JAZF1: variants seen among roughly 807,000 people sequenced by gnomAD.
The protein encoded by JAZF1 is JAZF zinc finger 1.
Under a neutral mutation model 26.4 loss-of-function variants are expected in JAZF1, and 8 were observed. The ratio of observed to expected loss-of-function variants is 0.30; its 90% CI spans 0.18 to 0.55. JAZF1 has a LOEUF of 0.55. Among genes scored for constraint, JAZF1 ranks in the 20% least tolerant of loss-of-function variants. JAZF1 has a pLI of 0.94. For synonymous variants in JAZF1, 126 were observed against 122.3 expected, an observed-to-expected ratio of 1.03 and a Z score of -0.20; for missense variants, 199 against 322.0, an observed-to-expected ratio of 0.62 and a Z score of 2.92.
intron 2 of JAZF1, among the ~76,000 whole-genome samples, chr7:27,932,458 C>T (rs1197250947): frequency 6.6e-6 from 1 of 152,114 alleles, no homozygotes; most frequent in African/African-American, 2.4e-5. Flanking sequence ...CATCCATAAT[C>T]TAGGTGCAGG....
intron 3 of JAZF1, among the ~76,000 whole-genome samples, chr7:27,852,633 C>T (rs1428605906): frequency 6.6e-6 from 1 of 152,118 alleles, no homozygotes; most frequent in Non-Finnish European, 1.5e-5. Flanking sequence ...CCTACTTTTT[C>T]TAGAACTGTG....
At chr7:28,180,325 C>A (rs929048410) in intron 1 of JAZF1, 138 bp downstream of exon 1, 2 of 397,354 alleles carry the variant, frequency 5.0e-6, no homozygotes, top group Admixed American at 4.8e-5. Flanking sequence ...TCCCGCCACC[C>A]CCACCTCGGG....
intron 3 of JAZF1, among the ~76,000 whole-genome samples, chr7:27,893,305 A>G (rs2128341689): frequency 6.6e-6 from 1 of 152,382 alleles, no homozygotes; most frequent in Non-Finnish European, 1.5e-5. Context: ...TGGATGACAG[A>G]GAAATACGTA....
rs201301975 is a variant in JAZF1 at position 28,105,154 on chromosome 7, T to TA, written c.115+75308dup. On this transcript the variant is annotated intron_variant, in intron 1 of 4. Transcript: ENST00000283928. ...ACACCAAACAGAAATGATACAGAGT[T>TA]AAAAAAAACAAACAAGAACTCTCCT... Among the ~76,000 whole-genome samples, 49 of 151,804 alleles carry TA rather than the reference T, an allele frequency of 3.2e-4. No homozygotes were observed. In the East Asian group the frequency reaches 5.2e-3, roughly 16 times the overall value.
At chr7:27,984,989 C>A (rs77088177) in intron 2 of JAZF1, among the ~76,000 whole-genome samples, 35,326 of 152,036 alleles carry the variant, frequency 0.23, 4,511 homozygotes, top group East Asian at 0.48. Flanking sequence ...TAAATGCCCA[C>A]AAGAGAAAGC....
chr7:28,061,785 C>A (rs1291337965), intron 1 of JAZF1, among the ~76,000 whole-genome samples: 1 of 152,184 alleles, frequency 6.6e-6, no homozygotes, highest in African/African-American at 2.4e-5. Context: ...TGCATACAAT[C>A]TGAAAGAGCT....
rs574025445 is a variant in JAZF1 at position 28,118,459 on chromosome 7, G to A, written c.115+62004C>T. On this transcript the variant is annotated intron_variant, in intron 1 of 4. Coordinates refer to ENST00000283928, the MANE Select transcript of JAZF1 (RefSeq NM_175061.4). ...GAACCCGAGAGGCAGAGGTTGCAGTGGGCCAAGATTGCACCAGGGTGACAA... is the reference window on the plus strand; with the variant it reads ...GAACCCGAGAGGCAGAGGTTGCAGTAGGCCAAGATTGCACCAGGGTGACAA... Among the ~76,000 whole-genome samples, 19 of 152,090 alleles carry A rather than the reference G, an allele frequency of 1.2e-4. No homozygotes were observed. The East Asian group carries it at 3.7e-3, about 29-fold the overall frequency.
At position 27,961,602 on chromosome 7, in the gene JAZF1, G is replaced by A. The variant is rs552931656; in HGVS notation, c.188+30307C>T. On this transcript the variant is annotated intron_variant, in intron 2 of 4. Coordinates refer to ENST00000283928, the MANE Select transcript of JAZF1 (RefSeq NM_175061.4). ...ATATTCTCCCCAAAGAAAGCTTACT[G>A]CAAGAGCCAGAGGTGGCAGGAAAGA... 7.3e-4 allele frequency among the ~76,000 whole-genome samples: 111 copies of A among 152,308 alleles called. 1 individual carries two copies. The highest frequency in any genetic ancestry group is 2.7e-3 in the African/African-American group (111 of 41,544).
chr7:28,108,133 CTA>C (rs1784583703), intron 1 of JAZF1, among the ~76,000 whole-genome samples: 1 of 152,208 alleles, frequency 6.6e-6, no homozygotes, highest in South Asian at 2.1e-4. Context: ...GTTCTCTGCA[CTA>C]TCTTTATTGT....
At chr7:28,065,846 G>A (rs534678675) in intron 1 of JAZF1, among the ~76,000 whole-genome samples, 4 of 152,024 alleles carry the variant, frequency 2.6e-5, no homozygotes, top group Admixed American at 6.5e-5. Context: ...ATTACAGCCC[G>A]GGGCTATTTT....
intron 2 of JAZF1, among the ~76,000 whole-genome samples, chr7:27,937,663 GTTTTAT>G (rs1181210756): frequency 6.6e-6 from 1 of 152,132 alleles, no homozygotes; most frequent in African/African-American, 2.4e-5. Flanking sequence ...TTCCCTCTTG[GTTTTAT>G]GGATGGATGT....
intron 1 of JAZF1, among the ~76,000 whole-genome samples, chr7:28,025,621 A>C (rs1783082036): frequency 4.6e-5 from 7 of 152,260 alleles, no homozygotes; most frequent in Admixed American, 4.6e-4. Flanking sequence ...TGTTTGCTAC[A>C]GAAGATTGGT....
chr7:27,954,353 C>T (rs980147815), intron 2 of JAZF1, among the ~76,000 whole-genome samples: 10 of 152,176 alleles, frequency 6.6e-5, no homozygotes, highest in African/African-American at 9.7e-5. Context: ...CAGTGCCTGC[C>T]GTCATCTGCA....
rs1397954015 is a variant in JAZF1 at position 27,843,118 on chromosome 7, T to C, written c.386-2251A>G. ...GAACACTTCTGAGAGGGAAAGGTAG[T>C]GTAGGCCGACAGGTGGTAAGTTGGA... On this transcript the variant is annotated intron_variant, in intron 3 of 4. Coordinates refer to ENST00000283928, the MANE Select transcript of JAZF1 (RefSeq NM_175061.4). The C allele has an allele frequency of 3.9e-5, 6 of 152,324 alleles. No individual in the cohort carries two copies. The East Asian group carries it at 1.2e-3, about 29-fold the overall frequency. The allele number at this position is 152,324 out of a possible 1,614,324, so 9.4% of individuals were successfully genotyped here.
At chr7:27,999,715 A>C (rs1028646065) in intron 1 of JAZF1, among the ~76,000 whole-genome samples, 3 of 152,202 alleles carry the variant, frequency 2.0e-5, no homozygotes, top group African/African-American at 7.2e-5. Context: ...TGTTCTGTAA[A>C]TAATCAGTGT....
At chr7:28,111,347 T>C (rs1784658675) in intron 1 of JAZF1, among the ~76,000 whole-genome samples, 1 of 152,246 alleles carries the variant, frequency 6.6e-6, no homozygotes, top group South Asian at 2.1e-4. Context: ...CTGAAGACAT[T>C]TCTCTTTAGG....
At chr7:28,050,425 A>G (rs1562570384) in intron 1 of JAZF1, among the ~76,000 whole-genome samples, 1 of 152,202 alleles carries the variant, frequency 6.6e-6, no homozygotes, top group Non-Finnish European at 1.5e-5. Flanking sequence ...TGATGGCTGC[A>G]CAACTCTGTG....
intron 3 of JAZF1, among the ~76,000 whole-genome samples, chr7:27,877,258 G>C (rs1001573267): frequency 2.0e-5 from 3 of 152,208 alleles, no homozygotes; most frequent in Admixed American, 2.0e-4. Flanking sequence ...CTCCGAATGA[G>C]AGGTCAAGCC....
chr7:27,903,136 G>A (rs1784194416), intron 2 of JAZF1, among the ~76,000 whole-genome samples: 1 of 152,102 alleles, frequency 6.6e-6, no homozygotes, highest in Admixed American at 6.5e-5. Flanking sequence ...CGGAATATTA[G>A]GATTTTAAAT....
Sources: gnomAD v4.1 joint callset for allele counts (sites outside exome capture counted in the v4.1 genomes callset) on GRCh38, gnomAD v4.1.1 for gene constraint, MANE v1.5 for transcripts, NCBI Gene and HGNC (gene_info 2026-07-23, HGNC 2026-07-21) for gene names.